CSRP2: variants seen among roughly 807,000 people sequenced by gnomAD.
The protein encoded by CSRP2 is cysteine and glycine-rich protein 2.
CSRP2 carries 18 observed loss-of-function variants against 24.6 expected under a neutral mutation model. The observed-to-expected ratio is 0.73, with a 90% CI of 0.51 to 1.09. The LOEUF (loss-of-function observed/expected upper bound fraction) is 1.09. CSRP2 is among the 50% of genes least tolerant of loss of function. CSRP2 has a pLI of 0.00. For synonymous variants in CSRP2, 87 were observed against 84.3 expected (o/e 1.03, Z -0.18); for missense variants, 215 against 239.4 (o/e 0.90, Z 0.67).
At chr12:76,871,759 G>T in intron 1 of CSRP2, among the ~76,000 whole-genome samples, 1 of 61,020 alleles carries the variant, frequency 1.6e-5, no homozygotes, top group Non-Finnish European at 3.4e-5. Context: ...GCAAGACTCC[G>T]ACTCAAAAAA....
At chr12:76,878,025 T>C (rs1305876392) in intron 1 of CSRP2, among the ~76,000 whole-genome samples, 4 of 117,710 alleles carry the variant, frequency 3.4e-5, no homozygotes, top group African/African-American at 1.3e-4. Flanking sequence ...AAAATGTGCT[T>C]GGTTTGCAGA....
chr12:76,861,298 C>T (rs1953674142), intron 3 of CSRP2: 2 of 150,732 alleles, frequency 1.3e-5, no homozygotes, highest in Admixed American at 1.3e-4. Flanking sequence ...GGAAGGATAA[C>T]TTGAACTCAG....
At position 76,858,967 on chromosome 12, in the gene CSRP2, A is replaced by C; in HGVS notation, c.567T>G (p.Leu189=). 1.9e-6 allele frequency: 3 copies of C among 1,614,180 alleles called. No homozygotes were observed. The highest frequency in any genetic ancestry group is 2.5e-6 in the Non-Finnish European group (3 of 1,179,978). ...GFGYGQGAGA[L]VHAQ ...GGTTTACATCTTACTGGGCATGAAC[A>C]AGAGCCCCTGCTCCTTGGCCATAGC... Residue 189 remains leucine, a synonymous_variant, in exon 6 of 6, where the codon CTT becomes CTG. Transcript: ENST00000311083.
intron 1 of CSRP2, among the ~76,000 whole-genome samples, chr12:76,866,646 T>C (rs1337458928): frequency 6.6e-6 from 1 of 152,226 alleles, no homozygotes; most frequent in Non-Finnish European, 1.5e-5. Context: ...AAACATATTT[T>C]TTTGAACTCA....
At chr12:76,863,075 A>T in intron 3 of CSRP2, 101 bp downstream of exon 3, 1 of 1,484,712 alleles carries the variant, frequency 6.7e-7, no homozygotes, top group Middle Eastern at 1.8e-4. Flanking sequence ...TTATTTGCTT[A>T]GTTTCAACTA....
chr12:76,873,528 C>T (rs947689757), intron 1 of CSRP2, among the ~76,000 whole-genome samples: 5 of 152,164 alleles, frequency 3.3e-5, no homozygotes, highest in Non-Finnish European at 5.9e-5. Context: ...GAAGCCAAAT[C>T]CTCAACCTGG....
intron 1 of CSRP2, among the ~76,000 whole-genome samples, chr12:76,871,546 A>G (rs193013574): frequency 0.014 from 2,071 of 152,276 alleles, 56 homozygotes; most frequent in African/African-American, 0.048. Flanking sequence ...CAAGGCGGGC[A>G]GATCACGAGG....
intron 1 of CSRP2, among the ~76,000 whole-genome samples, chr12:76,867,371 G>C (rs1311525629): frequency 6.6e-6 from 1 of 151,406 alleles, no homozygotes; most frequent in Non-Finnish European, 1.5e-5. Flanking sequence ...TTAGCCGGGT[G>C]TGGTGGCAGA....
Position 76,859,609 on chromosome 12 carries a change from T to G in CSRP2, c.443A>C (p.Lys148Thr), listed in dbSNP as rs1479630534. The change falls in exon 5 of 6, where the codon AAG (lysine) becomes ACG (threonine). Residue 148 changes from lysine (K) to threonine (T), a missense_variant. Physicochemically the swap from Lys to Thr is moderately conservative, Grantham distance 78. Coordinates refer to ENST00000311083, the MANE Select transcript of CSRP2 (RefSeq NM_001321.3). Reference protein sequence around the residue: ...PWHKNCFRCAKCGKSLESTTL... With the variant: ...PWHKNCFRCATCGKSLESTTL... Reference sequence around the variant, plus strand: ...TGTTGATTCAAGACTCTTCCCACACTTTGCACATCGGAAACAGTTTTTGTG... The same window carrying G: ...TGTTGATTCAAGACTCTTCCCACACGTTGCACATCGGAAACAGTTTTTGTG... 6.2e-7 allele frequency: 1 copy of G among 1,612,618 alleles called. No individual in the cohort carries two copies. The highest frequency in any genetic ancestry group is 1.9e-4 in the Middle Eastern group (1 of 5,308).
intron 5 of CSRP2, 31 bp from the exon 6 acceptor site, chr12:76,859,059 T>C (rs1953648273): frequency 6.3e-7 from 1 of 1,594,198 alleles, no homozygotes; most frequent in Admixed American, 1.7e-5. Context: ...GGATAGTTAG[T>C]GCAAGTCCAT....
chr12:76,860,394 T>C lies in CSRP2; in HGVS notation c.301A>G (p.Thr101Ala). Reference protein sequence around the residue: ...KPESVQPHRPTTNPNTSKFAQ... With the variant: ...KPESVQPHRPATNPNTSKFAQ... ...AATTTAGAAGTGTTTGGATTTGTTG[T>C]AGGCCTGTGAGGCTGAACACTTGTG... Residue 101 changes from threonine (T) to alanine (A), a missense_variant, in exon 4 of 6, where the codon ACA becomes GCA. By Grantham distance (58) the Thr-to-Ala change is moderately conservative. Coordinates refer to ENST00000311083, the MANE Select transcript of CSRP2 (RefSeq NM_001321.3). 2.5e-6 allele frequency: 4 copies of C among 1,613,536 alleles called. No individual in the cohort carries two copies. The East Asian group carries it at 8.9e-5, about 36-fold the overall frequency.
chr12:76,864,696 G>C (rs1284129791), intron 2 of CSRP2: 1 of 152,100 alleles, frequency 6.6e-6, no homozygotes, highest in Admixed American at 6.5e-5. Flanking sequence ...GCAAAGAGGA[G>C]GGGAGGGAAG....
intron 2 of CSRP2, 38 bp downstream of exon 2, chr12:76,866,111 C>T (rs1266384795): frequency 6.6e-7 from 1 of 1,513,642 alleles, no homozygotes; most frequent in Admixed American, 1.7e-5. Context: ...TCTGTACATA[C>T]AAATTCCGTC....
intron 1 of CSRP2, among the ~76,000 whole-genome samples, chr12:76,869,433 A>G (rs80281087): frequency 0.16 from 24,251 of 152,012 alleles, 2,208 homozygotes; most frequent in Non-Finnish European, 0.2. Context: ...CGGCCAATCA[A>G]CTGTGCCTTA....
chr12:76,867,139 G>A (rs1953743724), intron 1 of CSRP2, among the ~76,000 whole-genome samples: 1 of 152,028 alleles, frequency 6.6e-6, no homozygotes, highest in East Asian at 1.9e-4. Flanking sequence ...GTCATGTAGG[G>A]CCAACATTTT....
intron 1 of CSRP2, among the ~76,000 whole-genome samples, chr12:76,869,576 A>ACACC (rs1555192098): frequency 3.6e-5 from 5 of 139,040 alleles, no homozygotes; most frequent in African/African-American, 8.6e-5. Flanking sequence ...ACACACACAC[A>ACACC]CACCCCTGAC....
chr12:76,874,820 C>G (rs1360832477), intron 1 of CSRP2, among the ~76,000 whole-genome samples: 1 of 152,108 alleles, frequency 6.6e-6, no homozygotes, highest in East Asian at 1.9e-4. Flanking sequence ...GATCTAGGTG[C>G]CCACTCGTTA....
chr12:76,859,459 T>TTC, intron 5 of CSRP2, 88 bp downstream of exon 5: 2 of 847,030 alleles, frequency 2.4e-6, no homozygotes, highest in South Asian at 1.8e-5. Flanking sequence ...TACTTTTCTT[T>TTC]TTTTTTTTTT....
At chr12:76,877,654 C>T (rs1953864726) in intron 1 of CSRP2, among the ~76,000 whole-genome samples, 1 of 152,174 alleles carries the variant, frequency 6.6e-6, no homozygotes. Context: ...GAAATACTGA[C>T]AAAGTATCAG....
Sources: allele counts gnomAD v4.1 joint callset (sites outside exome capture counted in the v4.1 genomes callset), GRCh38; gene constraint gnomAD v4.1.1; transcripts MANE v1.5; gene names NCBI Gene and HGNC (gene_info 2026-07-23, HGNC 2026-07-21).